ACTL8: variants seen among roughly 807,000 people sequenced by gnomAD.
The protein encoded by ACTL8 is actin-like protein 8.
A neutral mutation model predicts 9.3 loss-of-function variants in ACTL8; 3 were observed. That is an observed-to-expected ratio of 0.32 (90% CI 0.15 to 0.83). The LOEUF (loss-of-function observed/expected upper bound fraction) is 0.83. Ranked by LOEUF, ACTL8 falls within the 40% of genes least tolerant of loss-of-function variation. ACTL8 has a pLI of 0.57. For synonymous variants in ACTL8, 224 were observed against 205.9 expected (o/e 1.09, Z -0.75); for missense variants, 381 against 492.2 (o/e 0.77, Z 2.14).
At chr1:17,794,758 G>A (rs1234451800) in intron 1 of ACTL8, among the ~76,000 whole-genome samples, 8 of 152,190 alleles carry the variant, frequency 5.3e-5, no homozygotes, top group African/African-American at 1.9e-4. Context: ...GGGAAGTTGA[G>A]GGCAACGTAG....
At chr1:17,817,391 A>G (rs1399780118) in intron 1 of ACTL8, among the ~76,000 whole-genome samples, 1 of 152,116 alleles carries the variant, frequency 6.6e-6, no homozygotes, top group African/African-American at 2.4e-5. Context: ...CACCTCTTCA[A>G]TGGACATGCT....
At chr1:17,820,507 A>G (rs1039067731) in intron 1 of ACTL8, among the ~76,000 whole-genome samples, 5 of 151,168 alleles carry the variant, frequency 3.3e-5, no homozygotes, top group African/African-American at 1.2e-4. Flanking sequence ...GTACGTTTTC[A>G]TTTCCCTTGA....
intron 1 of ACTL8, among the ~76,000 whole-genome samples, chr1:17,769,872 T>C (rs917084261): frequency 1.3e-5 from 2 of 152,330 alleles, no homozygotes; most frequent in South Asian, 2.1e-4. Flanking sequence ...AGCAACTTAT[T>C]TGAAATTTTT....
intron 1 of ACTL8, among the ~76,000 whole-genome samples, chr1:17,814,890 A>G (rs1406427276): frequency 1.3e-5 from 2 of 152,266 alleles, no homozygotes; most frequent in African/African-American, 2.4e-5. Flanking sequence ...AATTGCCTAC[A>G]GTATTTAGTA....
At chr1:17,812,149 C>T (rs765661473) in intron 1 of ACTL8, among the ~76,000 whole-genome samples, 11 of 152,140 alleles carry the variant, frequency 7.2e-5, no homozygotes, top group Non-Finnish European at 1.5e-4. Flanking sequence ...TGAGCTACCA[C>T]ACCCAGCTCT....
At chr1:17,808,698 C>T (rs1447299930) in intron 1 of ACTL8, among the ~76,000 whole-genome samples, 1 of 152,144 alleles carries the variant, frequency 6.6e-6, no homozygotes, top group Non-Finnish European at 1.5e-5. Context: ...TCATAGTGGT[C>T]CGTGGAGGAA....
intron 1 of ACTL8, among the ~76,000 whole-genome samples, chr1:17,762,731 T>G (rs2066015712): frequency 6.6e-6 from 1 of 152,120 alleles, no homozygotes; most frequent in Admixed American, 6.5e-5. Flanking sequence ...GGTCAGGTTG[T>G]GGCCTGTGTG....
intron 1 of ACTL8, among the ~76,000 whole-genome samples, chr1:17,765,979 C>T (rs2066041848): frequency 6.6e-6 from 1 of 152,232 alleles, no homozygotes; most frequent in Admixed American, 6.5e-5. Flanking sequence ...TTCCTGTGGC[C>T]TGCCCTCCTG....
In ACTL8 at chr1:17,823,393, G is replaced by C; in HGVS notation, c.348+37G>C. On this transcript the variant is annotated intron_variant, in intron 2 of 2. Transcript: ENST00000375406. This position sits in a 1 kb window ranked among gnomAD's most constrained non-coding sequence, Gnocchi z 5.3. ...CGGGGCCTGCTCCCACTCGGGAGCG[G>C]GAAACAGACTGACACTATGTCTGGA... 1 of 1,566,396 alleles carries C rather than the reference G, an allele frequency of 6.4e-7. No homozygotes were observed. The highest frequency in any genetic ancestry group is 8.7e-7 in the Non-Finnish European group (1 of 1,152,248).
intron 1 of ACTL8, among the ~76,000 whole-genome samples, chr1:17,769,189 T>G (rs2066066697): frequency 6.6e-6 from 1 of 152,170 alleles, no homozygotes; most frequent in South Asian, 2.1e-4. Flanking sequence ...TGATCTGTCC[T>G]GTTGAGCGCC....
intron 1 of ACTL8, among the ~76,000 whole-genome samples, chr1:17,773,944 T>C (rs556568951): frequency 6.6e-6 from 1 of 152,320 alleles, no homozygotes; most frequent in East Asian, 1.9e-4. Flanking sequence ...GTTTATGTAA[T>C]GCCTGGCACA....
chr1:17,826,592 T>G lies in ACTL8; in HGVS notation c.*73T>G. 1.5e-6 allele frequency: 2 copies of G among 1,372,980 alleles called. No individual in the cohort carries two copies. Among genetic ancestry groups the G allele is most frequent in the Non-Finnish European group, 1.9e-6 (2 of 1,037,072 alleles). 85.0% of individuals were successfully genotyped at this position (1,372,980 alleles called of 1,614,324 possible). ...GCGGATTAATTTTAGCAAAATGTTC[T>G]GGGTGGGGGTAGAATGAGGTGGGGT... On this transcript the variant is annotated 3_prime_UTR_variant, in exon 3 of 3. Transcript: ENST00000375406. This position sits in a 1 kb window ranked among gnomAD's most constrained non-coding sequence, Gnocchi z 4.5.
chr1:17,790,052 C>T (rs893523398), intron 1 of ACTL8, among the ~76,000 whole-genome samples: 1 of 152,234 alleles, frequency 6.6e-6, no homozygotes, highest in Admixed American at 6.5e-5. Context: ...CACAGTCAGA[C>T]ATGCCAGCTG....
At chr1:17,813,297 GA>G (rs1284616794) in intron 1 of ACTL8, among the ~76,000 whole-genome samples, 1 of 152,120 alleles carries the variant, frequency 6.6e-6, no homozygotes, top group African/African-American at 2.4e-5. Flanking sequence ...TCTTTATTAG[GA>G]TAAGGAAAGT....
chr1:17,775,724 C>A (rs1018247846), intron 1 of ACTL8, among the ~76,000 whole-genome samples: 5 of 152,232 alleles, frequency 3.3e-5, no homozygotes, highest in African/African-American at 4.8e-5. Flanking sequence ...TGACTCCACT[C>A]CAGGCACCTG....
chr1:17,821,702 C>T (rs2053661226), intron 1 of ACTL8, among the ~76,000 whole-genome samples: 1 of 152,034 alleles, frequency 6.6e-6, no homozygotes, highest in African/African-American at 2.4e-5. Context: ...AATCTTGGCT[C>T]ACTGCAACAT....
intron 1 of ACTL8, among the ~76,000 whole-genome samples, chr1:17,761,789 T>C (rs1569988956): frequency 6.6e-6 from 1 of 152,286 alleles, no homozygotes; most frequent in East Asian, 1.9e-4. Flanking sequence ...CAGGCTTGTC[T>C]CGAACTCCCG....
At chr1:17,759,843 G>C (rs1287104031) in intron 1 of ACTL8, among the ~76,000 whole-genome samples, 1 of 152,128 alleles carries the variant, frequency 6.6e-6, no homozygotes, top group African/African-American at 2.4e-5. Flanking sequence ...GCCCTGGGGG[G>C]CAGCAGCTGC....
chr1:17,769,284 G>A (rs557556400), intron 1 of ACTL8, among the ~76,000 whole-genome samples: 3 of 152,286 alleles, frequency 2.0e-5, no homozygotes, highest in East Asian at 3.9e-4. Flanking sequence ...GTGGCAGAGT[G>A]TAGGGAGAGG....
Sources: gnomAD v4.1 joint callset for allele counts (sites outside exome capture counted in the v4.1 genomes callset) on GRCh38, gnomAD v4.1.1 for gene constraint, Gnocchi (gnomAD v3.1) non-coding constraint, MANE v1.5 for transcripts, NCBI Gene and HGNC (gene_info 2026-07-23, HGNC 2026-07-21) for gene names.